The following CHD9 variants were observed in gnomAD, a reference collection of about 807,000 sequenced individuals.
The protein encoded by CHD9 is ATP-dependent chromatin remodeler CHD9.
A neutral mutation model predicts 316.1 loss-of-function variants in CHD9; 77 were observed. The observed-to-expected ratio is 0.24, with a 90% CI of 0.20 to 0.29. CHD9 has a LOEUF of 0.29. Among genes scored for constraint, CHD9 ranks in the 10% least tolerant of loss-of-function variants. The pLI is 1.00. For missense variants in CHD9, 2,763 were observed against 3,438.1 expected, an observed-to-expected ratio of 0.80 and a Z score of 4.91; for synonymous variants, 1,129 against 1,158.3, an observed-to-expected ratio of 0.97 and a Z score of 0.51.
At chr16:53,145,599 A>G (rs190953981) in intron 1 of CHD9, among the ~76,000 whole-genome samples, 53 of 151,974 alleles carry the variant, frequency 3.5e-4, no homozygotes, top group East Asian at 1.8e-3. Flanking sequence ...CCAGCTACTC[A>G]GGAGGCTGAA....
intron 31 of CHD9, among the ~76,000 whole-genome samples, chr16:53,304,894 A>G (rs1028790548): frequency 6.6e-6 from 1 of 151,040 alleles, no homozygotes; most frequent in African/African-American, 2.4e-5. Context: ...GGGTTTCTCC[A>G]TGTTGGTCAG....
At chr16:53,243,419 T>C (rs2049276724) in intron 13 of CHD9, among the ~76,000 whole-genome samples, 1 of 152,204 alleles carries the variant, frequency 6.6e-6, no homozygotes, top group Admixed American at 6.5e-5. Flanking sequence ...GTTCAAGCGA[T>C]TCTCCTGCCT....
Position 53,157,319 on chromosome 16 carries a change from T to G in CHD9, c.1230T>G (p.Leu410=), listed in dbSNP as rs1340286805. The change falls in exon 2 of 39, where the codon CTT becomes CTG. Residue 410 remains leucine, a synonymous_variant. Coordinates refer to ENST00000447540, the MANE Select transcript of CHD9 (RefSeq NM_001308319.2). ...CAGGACTTGACCCCGAGGACCTCCTTCAGGAGGGTCTTCTTCCTCACTTTG... is the reference window on the plus strand; with the variant it reads ...CAGGACTTGACCCCGAGGACCTCCTGCAGGAGGGTCTTCTTCCTCACTTTG... ...PFTGLDPEDL[L]QEGLLPHFDE... 3.1e-6 allele frequency: 5 copies of G among 1,613,330 alleles called. No individual in the cohort carries two copies.
At chr16:53,228,547 T>G (rs999905169) in intron 7 of CHD9, among the ~76,000 whole-genome samples, 3 of 148,764 alleles carry the variant, frequency 2.0e-5, no homozygotes, top group Admixed American at 2.0e-4. Context: ...GTTTTTTTTT[T>G]TTTTTTTTTT....
chr16:53,275,621 T>C (rs564028690), intron 24 of CHD9, among the ~76,000 whole-genome samples: 6 of 152,312 alleles, frequency 3.9e-5, no homozygotes, highest in Admixed American at 3.9e-4. Context: ...TTCTTCTCCA[T>C]TCTCTAATTA....
At chr16:53,255,549 C>T in intron 18 of CHD9, 51 bp from the exon 19 acceptor site, 2 of 1,537,178 alleles carry the variant, frequency 1.3e-6, no homozygotes, top group Non-Finnish European at 1.8e-6. Context: ...TACTTTCTCA[C>T]TTTATGAACT....
chr16:53,164,214 T>C (rs993417651), intron 2 of CHD9, among the ~76,000 whole-genome samples: 1 of 152,222 alleles, frequency 6.6e-6, no homozygotes, highest in African/African-American at 2.4e-5. Context: ...TCATGTTTTC[T>C]GGCTATATTC....
chr16:53,256,804 C>T (rs2152981221), intron 19 of CHD9, among the ~76,000 whole-genome samples: 1 of 152,178 alleles, frequency 6.6e-6, no homozygotes, highest in Admixed American at 6.6e-5. Context: ...CATTTCCCTT[C>T]TTCCCCATTC....
At chr16:53,220,779 G>C (rs1194495949) in intron 3 of CHD9, among the ~76,000 whole-genome samples, 6 of 152,148 alleles carry the variant, frequency 3.9e-5, no homozygotes, top group African/African-American at 1.4e-4. Flanking sequence ...TTGTCCAGCT[G>C]TCTGCTGCCT....
At chr16:53,174,502 TTGCTC>T (rs2042975066) in intron 2 of CHD9, among the ~76,000 whole-genome samples, 1 of 152,246 alleles carries the variant, frequency 6.6e-6, no homozygotes, top group African/African-American at 2.4e-5. Flanking sequence ...CATGTATTCT[TTGCTC>T]TGTTACCTAC....
chr16:53,289,851 G>A (rs529266829), intron 27 of CHD9, among the ~76,000 whole-genome samples: 1 of 152,278 alleles, frequency 6.6e-6, no homozygotes, highest in East Asian at 1.9e-4. Flanking sequence ...GAAACTGGCT[G>A]TAAATCTGCC....
chr16:53,088,085 C>G (rs189455427), intron 1 of CHD9, among the ~76,000 whole-genome samples: 1 of 152,156 alleles, frequency 6.6e-6, no homozygotes, highest in Admixed American at 6.5e-5. Context: ...ACTCTCCTTA[C>G]GTCTTGGCTC....
intron 2 of CHD9, among the ~76,000 whole-genome samples, chr16:53,164,119 A>G (rs1044211647): frequency 2.0e-5 from 3 of 152,234 alleles, no homozygotes; most frequent in Admixed American, 6.5e-5. Flanking sequence ...TTTAACAATA[A>G]TGTACTAAAT....
At chr16:53,108,925 A>T (rs2037604974) in intron 1 of CHD9, among the ~76,000 whole-genome samples, 1 of 152,152 alleles carries the variant, frequency 6.6e-6, no homozygotes, top group African/African-American at 2.4e-5. Context: ...AAATAAAGTA[A>T]TGAAACCTCT....
chr16:53,261,359 C>CT (rs1195811638), intron 19 of CHD9, among the ~76,000 whole-genome samples: 10,040 of 61,708 alleles, frequency 0.16, 1,875 homozygotes, highest in African/African-American at 0.24. Context: ...GTGTTTTAGA[C>CT]TTTTTTTTTT....
At chr16:53,197,545 AT>A (rs1411665411) in intron 2 of CHD9, among the ~76,000 whole-genome samples, 1 of 151,462 alleles carries the variant, frequency 6.6e-6, no homozygotes, top group African/African-American at 2.5e-5. Flanking sequence ...ACCTTATTGC[AT>A]GTTCTTGATT....
At chr16:53,273,532 GA>G in intron 22 of CHD9, 93 bp from the exon 23 acceptor site, 1 of 904,022 alleles carries the variant, frequency 1.1e-6, no homozygotes, top group Non-Finnish European at 1.7e-6. Context: ...ACAGACCTCA[GA>G]AAGTCTCCAG....
At chr16:53,187,333 T>C (rs1331042622) in intron 2 of CHD9, among the ~76,000 whole-genome samples, 2 of 151,768 alleles carry the variant, frequency 1.3e-5, no homozygotes, top group Non-Finnish European at 2.9e-5. Flanking sequence ...CATAGCAAAA[T>C]TGTCTCTACA....
chr16:53,156,801 TCAG>T lies in CHD9; in HGVS notation c.715_717del (p.Ala239del). ...GCAATTTTCTCAAACGTCAAATCCTTCAGCACACTTCCACAAGTGTAGCAGTCA... is the reference window on the plus strand; with the variant it reads ...GCAATTTTCTCAAACGTCAAATCCTTCACACTTCCACAAGTGTAGCAGTCA... On this transcript the variant is annotated inframe_deletion, in exon 2 of 39. Transcript: ENST00000447540. The T allele has an allele frequency of 1.2e-6, 2 of 1,613,854 alleles. No homozygotes were observed. Among genetic ancestry groups the T allele is most frequent in the Non-Finnish European group, 1.7e-6 (2 of 1,179,888 alleles).
Sources: gnomAD v4.1 joint callset for allele counts (sites outside exome capture counted in the v4.1 genomes callset) on GRCh38, gnomAD v4.1.1 for gene constraint, MANE v1.5 for transcripts, NCBI Gene and HGNC (gene_info 2026-07-23, HGNC 2026-07-21) for gene names.